AKAP19: variants seen among roughly 807,000 people sequenced by gnomAD.
The protein encoded by AKAP19 is A-kinase anchoring protein 19, also known as small A-kinase anchoring protein.
At chr2:189,986,128 C>T in the AKAP19 span, among the ~76,000 whole-genome samples, 46 of 152,278 alleles carry the variant, frequency 3.0e-4, no homozygotes, top group Admixed American at 7.2e-4. Context: ...AAAATCTAAA[C>T]TACCCTCCTT....
chr2:189,985,825 T>A, the AKAP19 span, among the ~76,000 whole-genome samples: 1 of 152,126 alleles, frequency 6.6e-6, no homozygotes, highest in Non-Finnish European at 1.5e-5. Context: ...GGTAATTTGT[T>A]ATACAACAAT....
the AKAP19 span, among the ~76,000 whole-genome samples, chr2:189,935,366 T>C: frequency 2.0e-5 from 3 of 152,068 alleles, no homozygotes; most frequent in Non-Finnish European, 4.4e-5. Context: ...GAAGTTGCTA[T>C]TTTCAAGCTA....
the AKAP19 span, among the ~76,000 whole-genome samples, chr2:189,941,746 G>C: frequency 5.3e-5 from 8 of 152,082 alleles, no homozygotes; most frequent in African/African-American, 1.9e-4. Flanking sequence ...AGGAAGACAG[G>C]AAGAAAAGAA....
the AKAP19 span, among the ~76,000 whole-genome samples, chr2:190,156,450 T>G: frequency 6.6e-6 from 1 of 151,984 alleles, no homozygotes; most frequent in Non-Finnish European, 1.5e-5. Context: ...TAAATTTAAA[T>G]CAAAAGAAAA....
the AKAP19 span, among the ~76,000 whole-genome samples, chr2:189,915,511 G>T: frequency 1.3e-5 from 2 of 151,860 alleles, no homozygotes; most frequent in Admixed American, 6.6e-5. Flanking sequence ...AAGTAAATTG[G>T]CCAGGATCCC....
the AKAP19 span, among the ~76,000 whole-genome samples, chr2:190,018,976 C>T: frequency 1.3e-5 from 2 of 152,106 alleles, no homozygotes; most frequent in Admixed American, 6.5e-5. Context: ...CCACAATTGT[C>T]TCTGATTGGG....
chr2:190,111,941 A>G, the AKAP19 span, among the ~76,000 whole-genome samples: 1 of 152,004 alleles, frequency 6.6e-6, no homozygotes, highest in Non-Finnish European at 1.5e-5. Context: ...TCTGTCGCCC[A>G]GGCTGGAGTG....
At chr2:190,192,124 T>C in the AKAP19 span, among the ~76,000 whole-genome samples, 10 of 152,316 alleles carry the variant, frequency 6.6e-5, no homozygotes, top group East Asian at 1.9e-3. Context: ...AGTTAATTTT[T>C]CTATAAAGTA....
the AKAP19 span, among the ~76,000 whole-genome samples, chr2:190,100,772 T>A: frequency 6.6e-6 from 1 of 152,146 alleles, no homozygotes; most frequent in Non-Finnish European, 1.5e-5. Flanking sequence ...AAAGATCAAC[T>A]GTGAGCTTTA....
At chr2:190,008,770 A>ACACC in the AKAP19 span, among the ~76,000 whole-genome samples, 1 of 36,836 alleles carries the variant, frequency 2.7e-5, no homozygotes, top group African/African-American at 4.3e-5. Flanking sequence ...ACACACACAC[A>ACACC]CCCACCTGGT....
chr2:190,067,338 C>T, the AKAP19 span, among the ~76,000 whole-genome samples: 1 of 152,252 alleles, frequency 6.6e-6, no homozygotes, highest in South Asian at 2.1e-4. Flanking sequence ...GGAAGCACCC[C>T]AGTGATCCCC....
the AKAP19 span, among the ~76,000 whole-genome samples, chr2:189,922,749 A>G: frequency 6.6e-6 from 1 of 152,148 alleles, no homozygotes; most frequent in Non-Finnish European, 1.5e-5. Context: ...TTTATTGGTA[A>G]TTTTAAAGTT....
chr2:190,088,665 G>A, the AKAP19 span, among the ~76,000 whole-genome samples: 10 of 151,974 alleles, frequency 6.6e-5, no homozygotes, highest in African/African-American at 9.7e-5. Context: ...TTCTCTCTTC[G>A]GCAAAATTGA....
chr2:190,004,765 C>T, the AKAP19 span, among the ~76,000 whole-genome samples: 12 of 152,066 alleles, frequency 7.9e-5, no homozygotes, highest in Admixed American at 2.0e-4. Flanking sequence ...CATTCTAGTG[C>T]AATCTTTTGA....
the AKAP19 span, among the ~76,000 whole-genome samples, chr2:190,198,327 C>T: frequency 5.9e-4 from 90 of 152,214 alleles, no homozygotes; most frequent in Non-Finnish European, 1.0e-3. Context: ...ATTAGATGCA[C>T]GCAAGCTTTT....
chr2:190,183,355 T>C, the AKAP19 span, among the ~76,000 whole-genome samples: 1 of 152,198 alleles, frequency 6.6e-6, no homozygotes, highest in African/African-American at 2.4e-5. Context: ...TTCTAGTCCA[T>C]AGAGCAGTCT....
chr2:190,081,643 T>C, the AKAP19 span, among the ~76,000 whole-genome samples: 15 of 152,296 alleles, frequency 9.8e-5, no homozygotes, highest in East Asian at 2.9e-3. Context: ...TAGACTTAAA[T>C]TATTAAACCC....
At chr2:189,990,480 C>T in the AKAP19 span, among the ~76,000 whole-genome samples, 3 of 152,022 alleles carry the variant, frequency 2.0e-5, no homozygotes, top group African/African-American at 7.3e-5. Flanking sequence ...GATAGATCCC[C>T]CTTGGTCAGA....
At chr2:190,194,128 T>C in the AKAP19 span, among the ~76,000 whole-genome samples, 1 of 152,224 alleles carries the variant, frequency 6.6e-6, no homozygotes, top group Non-Finnish European at 1.5e-5. Flanking sequence ...TTGTACTGTG[T>C]AATGTTTTAA....
Sources: gnomAD v4.1 joint callset for allele counts (sites outside exome capture counted in the v4.1 genomes callset) on GRCh38, gnomAD v4.1.1 for gene constraint, MANE v1.5 for transcripts, NCBI Gene and HGNC (gene_info 2026-07-23, HGNC 2026-07-21) for gene names.